The following DNMT3L variants were observed in gnomAD, a reference collection of about 807,000 sequenced individuals.
The protein encoded by DNMT3L is DNA (cytosine-5)-methyltransferase 3-like.
Under a neutral mutation model 36.2 loss-of-function variants are expected in DNMT3L, and 33 were observed. The observed-to-expected ratio is 0.91, with a 90% CI of 0.69 to 1.22. DNMT3L has a LOEUF of 1.22. Ranked by LOEUF, DNMT3L falls within the 50% of genes most tolerant of loss-of-function variation. The pLI is 0.00. For synonymous variants in DNMT3L, 117 were observed against 121.7 expected (o/e 0.96, Z 0.26); for missense variants, 310 against 303.1 (o/e 1.02, Z -0.17).
At chr21:44,259,815 A>G (rs2040300801) in intron 3 of DNMT3L, 104 bp from the exon 4 acceptor site, 1 of 1,180,834 alleles carries the variant, frequency 8.5e-7, no homozygotes, top group Middle Eastern at 2.1e-4. Context: ...TATACACTGA[A>G]AACTGCAAAG....
intron 8 of DNMT3L, 52 bp downstream of exon 8, chr21:44,254,565 G>A: frequency 6.3e-7 from 1 of 1,591,672 alleles, no homozygotes; most frequent in Non-Finnish European, 8.6e-7. Flanking sequence ...CTCTGAGGAA[G>A]CTCGCACCCC....
intron 6 of DNMT3L, among the ~76,000 whole-genome samples, chr21:44,257,554 G>A (rs1176603881): frequency 2.0e-5 from 3 of 149,832 alleles, no homozygotes; most frequent in South Asian, 2.1e-4. Flanking sequence ...AGTGGCGGGC[G>A]CCTGTAGTCC....
At chr21:44,253,616 G>A (rs1389192260) in intron 8 of DNMT3L, among the ~76,000 whole-genome samples, 3 of 152,164 alleles carry the variant, frequency 2.0e-5, no homozygotes, top group Admixed American at 1.3e-4. Flanking sequence ...CTGCTTGGGA[G>A]GCTGAGGCAG....
intron 6 of DNMT3L, among the ~76,000 whole-genome samples, chr21:44,257,943 C>T (rs916059885): frequency 2.0e-5 from 3 of 152,162 alleles, no homozygotes; most frequent in African/African-American, 7.2e-5. Context: ...CTGTCTTCTC[C>T]GTCTCCATTT....
chr21:44,253,139 A>C (rs537827644), intron 8 of DNMT3L, among the ~76,000 whole-genome samples: 5 of 17,618 alleles, frequency 2.8e-4, no homozygotes, highest in African/African-American at 2.6e-4. Flanking sequence ...AGTAACTGTC[A>C]TCTGTGAACA....
chr21:44,254,721 C>T lies in DNMT3L; in HGVS notation c.605-16G>A. 6.2e-7 allele frequency: 1 copy of T among 1,613,518 alleles called. No homozygotes were observed. Among genetic ancestry groups the T allele is most frequent in the Non-Finnish European group, 8.5e-7 (1 of 1,179,718 alleles). On this transcript the variant is annotated splice_polypyrimidine_tract_variant and intron_variant, in intron 7 of 11. Coordinates refer to ENST00000628202, the MANE Select transcript of DNMT3L (RefSeq NM_175867.3). ...CTCGTCAGCTCTGGATGGGGAGAGA[C>T]CAGAAGGGCCCAGAGGGTGAGCGTG...
chr21:44,257,324 C>G lies in DNMT3L; in HGVS notation c.517-1170G>C, dbSNP rs1404737171. ...CCCGGGAGGCCGAGGTTGCAGTGAG[C>G]CAAGAGGGTGCCATTGCACTCCAGC... is the stretch of plus-strand genomic sequence containing the variant. On this transcript the variant is annotated intron_variant, in intron 6 of 11. Coordinates refer to ENST00000628202, the MANE Select transcript of DNMT3L (RefSeq NM_175867.3). Among the ~76,000 whole-genome samples the G allele has an allele frequency of 2.0e-5, 3 of 152,122 alleles. No homozygotes were observed. The East Asian group carries it at 5.8e-4, about 29-fold the overall frequency.
chr21:44,254,689 G>A lies in DNMT3L; in HGVS notation c.621C>T (p.Gly207=). ...CCGGGTCAGAACCACTTTCCAAAAAGCCCAAACTCGTCAGCTCTGGATGGG... is the reference window on the plus strand; with the variant it reads ...CCGGGTCAGAACCACTTTCCAAAAAACCCAAACTCGTCAGCTCTGGATGGG... The part of the protein sequence containing the change: ...EDIKKELTSL[G]FLESGSDPGQ... Residue 207 remains glycine, a synonymous_variant, in exon 8 of 12, where the codon GGC becomes GGT. Coordinates refer to ENST00000628202, the MANE Select transcript of DNMT3L (RefSeq NM_175867.3). 1 of 1,613,928 alleles carries A rather than the reference G, an allele frequency of 6.2e-7. No homozygotes were observed.
In DNMT3L at chr21:44,255,208, T is replaced by A. The variant is rs571648580; in HGVS notation, c.605-503A>T. On this transcript the variant is annotated intron_variant, in intron 7 of 11. Coordinates refer to ENST00000628202, the MANE Select transcript of DNMT3L (RefSeq NM_175867.3). ...CACAACAAGCTAAACAAGCAAACAT[T>A]GCCAAGTATTGATTTAAGAATGTCA... Among the ~76,000 whole-genome samples the A allele has an allele frequency of 7.9e-5, 12 of 152,206 alleles. No individual in the cohort carries two copies. The South Asian group carries it at 2.3e-3, about 29-fold the overall frequency.
chr21:44,258,658 G>A lies in DNMT3L; in HGVS notation c.381C>T (p.Gly127=). The change falls in exon 6 of 12, where the codon GGC becomes GGT. Residue 127 remains glycine, a synonymous_variant. Transcript: ENST00000628202. The surrounding 1 kb of genome is among the most constrained non-coding windows in gnomAD (Gnocchi z 6.2). ...YCFECVDSLV[G]PGTSGKVHAM... is the part of the protein sequence containing the mutation. ...CGTGCACCTTCCCCGAGGTCCCGGG[G>A]CCGACCAGGCTATCCACACACTCGA... 6.2e-7 allele frequency: 1 copy of A among 1,612,942 alleles called. No homozygotes were observed. The highest frequency in any genetic ancestry group is 8.5e-7 in the Non-Finnish European group (1 of 1,179,988).
chr21:44,261,266 G>A lies in DNMT3L; in HGVS notation c.-7C>T, dbSNP rs769608108. ...GGGCTGGGATGGCCGCCATGGGGAT[G>A]CTGTGTCAGGACACACGGACACAGA... On this transcript the variant is annotated splice_region_variant and 5_prime_UTR_variant, in exon 2 of 12. Coordinates refer to ENST00000628202, the MANE Select transcript of DNMT3L (RefSeq NM_175867.3). The A allele has an allele frequency of 1.9e-6, 3 of 1,612,084 alleles. No individual in the cohort carries two copies. Among genetic ancestry groups the A allele is most frequent in the South Asian group, 2.2e-5 (2 of 91,068 alleles).
Position 44,256,173 on chromosome 21 carries a change from A to T in DNMT3L, c.517-19T>A. ...GATTCTCCTATTTATTAAAAAACCA[A>T]AACAGGACATTGTGCCGGCTACTTG... On this transcript the variant is annotated intron_variant, in intron 6 of 11. Transcript: ENST00000628202. 6.2e-7 allele frequency: 1 copy of T among 1,613,178 alleles called. No homozygotes were observed. The highest frequency in any genetic ancestry group is 8.5e-7 in the Non-Finnish European group (1 of 1,179,444).
chr21:44,257,495 A>C (rs1463195408), intron 6 of DNMT3L, among the ~76,000 whole-genome samples: 1 of 151,694 alleles, frequency 6.6e-6, no homozygotes, highest in Non-Finnish European at 1.5e-5. Context: ...TCCCGGCTAA[A>C]ACTGTGAAAC....
chr21:44,256,857 T>G (rs1258482232), intron 6 of DNMT3L, among the ~76,000 whole-genome samples: 3 of 152,356 alleles, frequency 2.0e-5, no homozygotes, highest in Admixed American at 2.0e-4. Context: ...TTCAGAGTGC[T>G]AGGCTCTGTT....
Position 44,259,548 on chromosome 21 carries a change from T to C in DNMT3L, c.233A>G (p.Asp78Gly). 1 of 1,613,666 alleles carries C rather than the reference T, an allele frequency of 6.2e-7. No individual in the cohort carries two copies. The highest frequency in any genetic ancestry group is 8.5e-7 in the Non-Finnish European group (1 of 1,180,008). ...CAGGAAGAGGGCATCCAGGAACTTG[T>C]CCTTGGAAGGAGCAAAGCAAGGCTG... is the stretch of plus-strand genomic sequence containing the variant. Reference protein sequence around the residue: ...FEGGICAPCKDKFLDALFLYD... With the variant: ...FEGGICAPCKGKFLDALFLYD... The change falls in exon 5 of 12, where the codon GAC becomes GGC. Residue 78 changes from aspartate to glycine, a missense_variant and splice_region_variant. Coordinates refer to ENST00000628202, the MANE Select transcript of DNMT3L (RefSeq NM_175867.3).
chr21:44,260,883 T>C (rs1216039028), intron 2 of DNMT3L, 44 bp from the exon 3 acceptor site: 1 of 1,612,366 alleles, frequency 6.2e-7, no homozygotes, highest in Non-Finnish European at 8.5e-7. Context: ...CTTCCTCTGA[T>C]CTCTTAATTT....
At chr21:44,255,911 C>T (rs2040254173) in intron 7 of DNMT3L, among the ~76,000 whole-genome samples, 156 bp downstream of exon 7, 1 of 142,630 alleles carries the variant, frequency 7.0e-6, no homozygotes, top group South Asian at 2.1e-4. Context: ...GGCCCCAGTG[C>T]AGGGTTAGCA....
intron 7 of DNMT3L, among the ~76,000 whole-genome samples, chr21:44,255,717 C>T (rs1044709750): frequency 3.3e-5 from 5 of 152,178 alleles, no homozygotes; most frequent in South Asian, 2.1e-4. Flanking sequence ...GCAGGCGCTG[C>T]GGGATCAGGC....
In DNMT3L at chr21:44,258,829, G is replaced by T; in HGVS notation, c.345-135C>A. On this transcript the variant is annotated intron_variant, in intron 5 of 11. Coordinates refer to ENST00000628202, the MANE Select transcript of DNMT3L (RefSeq NM_175867.3). The surrounding 1 kb of genome is among the most constrained non-coding windows in gnomAD (Gnocchi z 6.2). ...GCTCCCTTTGGGAAGACCAGGTGGT[G>T]GACTGGGAAGAGGGAGACGGTCCTT... 8.0e-7 allele frequency: 1 copy of T among 1,255,102 alleles called. No homozygotes were observed. The highest frequency in any genetic ancestry group is 1.1e-6 in the Non-Finnish European group (1 of 927,888). The allele number at this position is 1,255,102 out of a possible 1,614,324, so 77.7% of individuals were successfully genotyped here.
Sources: gnomAD v4.1 joint callset for allele counts (sites outside exome capture counted in the v4.1 genomes callset) on GRCh38, gnomAD v4.1.1 for gene constraint, Gnocchi (gnomAD v3.1) non-coding constraint, MANE v1.5 for transcripts, NCBI Gene and HGNC (gene_info 2026-07-23, HGNC 2026-07-21) for gene names.